SPAG16: variants seen among roughly 807,000 people sequenced by gnomAD.
The protein encoded by SPAG16 is sperm associated antigen 16.
In SPAG16, 86 loss-of-function variants were observed where a neutral mutation model predicts 80.4. The observed-to-expected ratio is 1.07, with a 90% CI of 0.90 to 1.28. The LOEUF is 1.28. Among genes scored for constraint, SPAG16 ranks in the 50% most tolerant of loss-of-function variants. The pLI is 0.00. For synonymous variants in SPAG16, 294 were observed against 265.9 expected, an observed-to-expected ratio of 1.11 and a Z score of -1.03; for missense variants, 870 against 765.3, an observed-to-expected ratio of 1.14 and a Z score of -1.61.
rs539296238 is a variant in SPAG16, at chr2:213,669,615, C to A, written c.1070+179525C>A. On this transcript the variant is annotated intron_variant, in intron 10 of 15. Transcript: ENST00000331683. ...AAAACACCTTGAAAATCTTTATATC[C>A]TTTAATGGTAAAATAGGACAGTATG... Among the ~76,000 whole-genome samples, 4 of 152,192 alleles carry A rather than the reference C, an allele frequency of 2.6e-5. No homozygotes were observed. The South Asian group carries it at 8.3e-4, about 32-fold the overall frequency.
Position 213,875,904 on chromosome 2 carries a change from G to C in SPAG16, c.1214+13276G>C, listed in dbSNP as rs1022047447. ...GCAAAACTCAATAAGACTTACTGTA[G>C]TTACATTAAATATTAACCAGAACAT... On this transcript the variant is annotated intron_variant, in intron 11 of 15. Transcript: ENST00000331683. Among the ~76,000 whole-genome samples, 5 of 151,978 alleles carry C rather than the reference G, an allele frequency of 3.3e-5. 1 individual carries two copies. Among genetic ancestry groups the C allele is most frequent in the Non-Finnish European group, 5.9e-5 (4 of 67,998 alleles).
intron 9 of SPAG16, among the ~76,000 whole-genome samples, chr2:213,449,086 G>T (rs554702760): frequency 6.6e-6 from 1 of 152,150 alleles, no homozygotes; most frequent in East Asian, 1.9e-4. Context: ...TGTGTTCCTG[G>T]GGGGAGGTCT....
chr2:214,253,224 T>C lies in SPAG16; in HGVS notation c.1720+103958T>C, dbSNP rs572349117. Reference sequence around the variant, plus strand: ...ATTAGCCCTTTGTCCAATGGGTAGATTGAAAAAATATTCTCCCATTCTGTA... The same window carrying C: ...ATTAGCCCTTTGTCCAATGGGTAGACTGAAAAAATATTCTCCCATTCTGTA... On this transcript the variant is annotated intron_variant, in intron 15 of 15. Transcript: ENST00000331683. Among the ~76,000 whole-genome samples the C allele has an allele frequency of 1.1e-4, 17 of 152,214 alleles. No homozygotes were observed. The South Asian group carries it at 3.5e-3, about 32-fold the overall frequency.
intron 10 of SPAG16, among the ~76,000 whole-genome samples, chr2:213,636,218 G>A (rs1423324327): frequency 3.3e-5 from 5 of 152,036 alleles, no homozygotes; most frequent in South Asian, 2.1e-4. Flanking sequence ...TATTTTCCCC[G>A]CTTTATATTT....
chr2:214,213,689 A>G (rs1219010437), intron 15 of SPAG16, among the ~76,000 whole-genome samples: 1 of 152,228 alleles, frequency 6.6e-6, no homozygotes, highest in Non-Finnish European at 1.5e-5. Flanking sequence ...GTATGTGCTC[A>G]GAGAAGGATT....
intron 7 of SPAG16, among the ~76,000 whole-genome samples, chr2:213,360,944 ATTGT>A (rs1279233028): frequency 6.6e-6 from 1 of 152,146 alleles, no homozygotes; most frequent in African/African-American, 2.4e-5. Flanking sequence ...TGGATTCCTG[ATTGT>A]TACTTCCTTA....
intron 10 of SPAG16, among the ~76,000 whole-genome samples, chr2:213,716,159 T>C (rs2066230624): frequency 6.6e-6 from 1 of 152,218 alleles, no homozygotes; most frequent in South Asian, 2.1e-4. Context: ...TTTTTGGAGA[T>C]GTTATTTATA....
chr2:213,728,876 C>CAAAAAAAAAAAAAAAAAAAAAAAAAAAAA (rs58070679), intron 10 of SPAG16, among the ~76,000 whole-genome samples: 3 of 58,460 alleles, frequency 5.1e-5, no homozygotes, highest in Non-Finnish European at 8.6e-5. Flanking sequence ...GACTCCGTCT[C>CAAAAAAAAAAAAAAAAAAAAAAAAAAAAA]AAAAAAAAAA....
chr2:213,584,803 G>A (rs1200670896), intron 10 of SPAG16, among the ~76,000 whole-genome samples: 1 of 152,058 alleles, frequency 6.6e-6, no homozygotes, highest in African/African-American at 2.4e-5. Flanking sequence ...TGGTGGCTAG[G>A]AAATATATTG....
At chr2:213,453,039 G>A (rs2071794576) in intron 9 of SPAG16, among the ~76,000 whole-genome samples, 1 of 152,126 alleles carries the variant, frequency 6.6e-6, no homozygotes, top group Non-Finnish European at 1.5e-5. Context: ...TTTTCTTAGG[G>A]AAGTTTTTCC....
At chr2:214,193,436 A>G (rs1293572084) in intron 15 of SPAG16, among the ~76,000 whole-genome samples, 1 of 132,434 alleles carries the variant, frequency 7.6e-6, no homozygotes, top group Non-Finnish European at 1.8e-5. Context: ...TGAGAGAGAG[A>G]GAGAGAGAGA....
At chr2:213,921,988 T>C (rs529785501) in intron 11 of SPAG16, among the ~76,000 whole-genome samples, 11 of 152,348 alleles carry the variant, frequency 7.2e-5, no homozygotes, top group Non-Finnish European at 1.2e-4. Context: ...GAGAATCTGA[T>C]GATTATGTGT....
chr2:213,579,135 C>A (rs898034238), intron 10 of SPAG16, among the ~76,000 whole-genome samples: 1 of 151,722 alleles, frequency 6.6e-6, no homozygotes, highest in East Asian at 1.9e-4. Context: ...CTACAATATC[C>A]CTGTAGATCA....
intron 9 of SPAG16, among the ~76,000 whole-genome samples, chr2:213,436,373 G>A (rs565920102): frequency 1.3e-5 from 2 of 152,238 alleles, no homozygotes; most frequent in African/African-American, 4.8e-5. Flanking sequence ...TTCCCCATAT[G>A]GCAAGCAATG....
chr2:213,980,725 T>TATAGAGAGAGAGAGAG (rs374274176), intron 12 of SPAG16, among the ~76,000 whole-genome samples: 32 of 103,986 alleles, frequency 3.1e-4, no homozygotes, highest in Middle Eastern at 4.8e-3. Context: ...TATATATATA[T>TATAGAGAGAGAGAGAG]AGAGAGAGAG....
intron 10 of SPAG16, among the ~76,000 whole-genome samples, chr2:213,539,469 C>T (rs948227801): frequency 7.9e-5 from 12 of 152,156 alleles, no homozygotes; most frequent in African/African-American, 4.8e-5. Context: ...TCTTTTTCAA[C>T]TTGTACAACT....
chr2:214,078,382 A>G (rs979091409), intron 13 of SPAG16, among the ~76,000 whole-genome samples: 4 of 151,878 alleles, frequency 2.6e-5, no homozygotes, highest in African/African-American at 7.3e-5. Flanking sequence ...GTGAAACCCC[A>G]TATCTACAAA....
chr2:213,923,751 G>A (rs1489218014), intron 11 of SPAG16: 2 of 152,318 alleles, frequency 1.3e-5, no homozygotes, highest in Non-Finnish European at 2.9e-5. Flanking sequence ...ATGAGGGCAG[G>A]TGAGGTCACA....
At chr2:213,668,705 A>G (rs1043396905) in intron 10 of SPAG16, among the ~76,000 whole-genome samples, 3 of 152,020 alleles carry the variant, frequency 2.0e-5, no homozygotes, top group African/African-American at 4.8e-5. Context: ...CTGGAGTGCA[A>G]TGGTGCAATC....
Sources: allele counts gnomAD v4.1 joint callset (sites outside exome capture counted in the v4.1 genomes callset), GRCh38; gene constraint gnomAD v4.1.1; transcripts MANE v1.5; gene names NCBI Gene and HGNC (gene_info 2026-07-23, HGNC 2026-07-21).